Variants in SLC12A3 observed in about 807,000 individuals in gnomAD.
SLC12A3 encodes the protein solute carrier family 12 member 3.
SLC12A3 carries 104 observed loss-of-function variants against 121.0 expected under a neutral mutation model. The observed-to-expected ratio is 0.86, with a 90% CI of 0.73 to 1.01. SLC12A3 has a LOEUF of 1.01. SLC12A3 is among the 50% of genes least tolerant of loss of function. SLC12A3 has a pLI of 0.00. For missense variants in SLC12A3, 1,328 were observed against 1,356.3 expected (o/e 0.98, Z 0.33); for synonymous variants, 536 against 533.4 (o/e 1.00, Z -0.07).
At chr16:56,884,433 G>A (rs987840249) in intron 14 of SLC12A3, among the ~76,000 whole-genome samples, 3 of 152,208 alleles carry the variant, frequency 2.0e-5, no homozygotes, top group African/African-American at 7.2e-5. Flanking sequence ...CAGGACCCTG[G>A]AATCCCCTGT....
At chr16:56,900,050 G>GTTTTGTCTT (rs2055517500) in intron 23 of SLC12A3, among the ~76,000 whole-genome samples, 1 of 152,138 alleles carries the variant, frequency 6.6e-6, no homozygotes, top group Non-Finnish European at 1.5e-5. Context: ...TTACAAACAG[G>GTTTTGTCTT]ATTTGTATTT....
Position 56,866,811 on chromosome 16 carries a change from T to G in SLC12A3, c.283-259T>G, listed in dbSNP as rs1964365857. ...TTAGTAGAGACAGGGTTTTACCTTG[T>G]TGCCCAGGCTGGTCTTGAACTCCTA... On this transcript the variant is annotated intron_variant, in intron 1 of 25. Transcript: ENST00000563236. Among the ~76,000 whole-genome samples the G allele has an allele frequency of 4.6e-5, 7 of 152,210 alleles. No homozygotes were observed. In the South Asian group the frequency reaches 1.4e-3, roughly 32 times the overall value.
chr16:56,889,541 A>C lies in SLC12A3; in HGVS notation c.2286-733A>C, dbSNP rs551120384. On this transcript the variant is annotated intron_variant, in intron 18 of 25. Transcript: ENST00000563236. ...GCCCCGGCTGGAGTGCAATGGTGCGATCTTGGCTCACCACAACCTCTGCCT... is the reference window on the plus strand; with the variant it reads ...GCCCCGGCTGGAGTGCAATGGTGCGCTCTTGGCTCACCACAACCTCTGCCT... Among the ~76,000 whole-genome samples, 77 of 152,232 alleles carry C rather than the reference A, an allele frequency of 5.1e-4. 1 individual carries two copies. Among genetic ancestry groups the C allele is most frequent in the African/African-American group, 1.9e-3 (77 of 41,524 alleles).
At position 56,885,199 on chromosome 16, in the gene SLC12A3, C is replaced by T. The variant is rs1005339395; in HGVS notation, c.1826-66C>T. ...GGCCGACATTACCTCTGTCCCTCCA[C>T]GTGTCTGGTTTCCTCTAGTGATTCC... On this transcript the variant is annotated intron_variant, in intron 14 of 25. Transcript: ENST00000563236. The T allele has an allele frequency of 1.3e-5, 13 of 1,000,024 alleles. No individual in the cohort carries two copies. The East Asian group carries it at 1.8e-4, about 14-fold the overall frequency. The allele number at this position is 1,000,024 out of a possible 1,614,324, so 61.9% of individuals were successfully genotyped here.
chr16:56,890,494 T>G (rs1322035957), intron 19 of SLC12A3, 138 bp downstream of exon 19: 6 of 721,844 alleles, frequency 8.3e-6, no homozygotes, highest in Non-Finnish European at 1.5e-5. Flanking sequence ...TTAGAGCCCA[T>G]CAGTTTTCCC....
intron 8 of SLC12A3, among the ~76,000 whole-genome samples, chr16:56,873,994 G>A (rs1438031247): frequency 2.6e-5 from 4 of 152,228 alleles, no homozygotes; most frequent in African/African-American, 9.6e-5. Flanking sequence ...TTACAGGAGT[G>A]AGCCACTTCT....
At chr16:56,886,283 G>T in intron 15 of SLC12A3, 81 bp from the exon 16 acceptor site, 2 of 991,158 alleles carry the variant, frequency 2.0e-6, no homozygotes, top group Non-Finnish European at 3.2e-6. Flanking sequence ...ACCATTCAGG[G>T]AGCCTGGGAG....
chr16:56,912,363 A>G (rs1278382865), intron 25 of SLC12A3, among the ~76,000 whole-genome samples: 2 of 152,262 alleles, frequency 1.3e-5, no homozygotes, highest in Non-Finnish European at 2.9e-5. Context: ...CAGCATTCCC[A>G]GGGCATCTTT....
chr16:56,901,314 C>T (rs1373043891), intron 23 of SLC12A3, among the ~76,000 whole-genome samples: 1 of 150,054 alleles, frequency 6.7e-6, no homozygotes, highest in Non-Finnish European at 1.5e-5. Flanking sequence ...ATAGCATCAT[C>T]TGAATGCCAA....
At chr16:56,886,268 A>G in intron 15 of SLC12A3, 96 bp from the exon 16 acceptor site, 1 of 851,366 alleles carries the variant, frequency 1.2e-6, no homozygotes, top group South Asian at 1.4e-5. Flanking sequence ...GCTGGTGGCC[A>G]CACCACCATT....
At chr16:56,890,413 A>C in intron 19 of SLC12A3, 57 bp downstream of exon 19, 1 of 1,428,296 alleles carries the variant, frequency 7.0e-7, no homozygotes, top group Non-Finnish European at 9.9e-7. Context: ...TTTGTTTTTA[A>C]ATGGCAGAGG....
chr16:56,908,597 A>G (rs568735600), intron 25 of SLC12A3, among the ~76,000 whole-genome samples: 1 of 152,194 alleles, frequency 6.6e-6, no homozygotes, highest in Non-Finnish European at 1.5e-5. Context: ...GACCCTCCGG[A>G]GCAGAAGGCC....
Position 56,893,971 on chromosome 16 carries a change from T to TTTA in SLC12A3, c.2522-558_2522-557insATT, listed in dbSNP as rs1435631224. Among the ~76,000 whole-genome samples the TTTA allele has an allele frequency of 2.5e-3, 297 of 116,908 alleles. 1 individual carries two copies. The highest frequency in any genetic ancestry group is 7.1e-3 in the East Asian group (26 of 3,682). The allele number at this position is 116,908 out of a possible 152,430, so 76.7% of individuals were successfully genotyped here. On this transcript the variant is annotated intron_variant, in intron 21 of 25. Transcript: ENST00000563236. Reference sequence around the variant, plus strand: ...TTTTGTATTTTTATTTTTATTTTTATTTTATTTATTTATTTATTTATTTAT... The same window carrying TTTA: ...TTTTGTATTTTTATTTTTATTTTTATTTATTTATTTATTTATTTATTTATTTAT...
At position 56,884,121 on chromosome 16, in the gene SLC12A3, TG is replaced by T. The variant is rs754220610; in HGVS notation, c.1743del (p.Met581IlefsTer30). 6.2e-7 allele frequency: 1 copy of T among 1,614,246 alleles called. No homozygotes were observed. The highest frequency in any genetic ancestry group is 8.5e-7 in the Non-Finnish European group (1 of 1,180,030). On this transcript the variant is annotated frameshift_variant, in exon 14 of 26. Transcript: ENST00000563236. LOFTEE classifies it high-confidence loss of function. ...LFGAIISVVI[M>X]FLLTWWAALI... is the part of the protein sequence containing the mutation. ...GGGGCTATCATCTCCGTGGTCATCA[TG>T]TTCCTCCTCACCTGGTGGGCGGCCC...
In SLC12A3 at chr16:56,867,224, G is replaced by A. The variant is rs764783539; in HGVS notation, c.429+8G>A. The A allele has an allele frequency of 1.6e-5, 26 of 1,602,964 alleles. No individual in the cohort carries two copies. The African/African-American group carries it at 3.5e-4, about 21-fold the overall frequency. On this transcript the variant is annotated splice_region_variant and intron_variant, in intron 2 of 25. Coordinates refer to ENST00000563236, the MANE Select transcript of SLC12A3 (RefSeq NM_001126108.2). ...TGGGTCAAGGGGGTGATGGTGAGTGGGGTGTGGGTGGTGCGTGATGTCCAG... is the reference window on the plus strand; with the variant it reads ...TGGGTCAAGGGGGTGATGGTGAGTGAGGTGTGGGTGGTGCGTGATGTCCAG...
chr16:56,896,821 G>C (rs2055468300), intron 22 of SLC12A3, among the ~76,000 whole-genome samples: 1 of 152,140 alleles, frequency 6.6e-6, no homozygotes, highest in Non-Finnish European at 1.5e-5. Flanking sequence ...TCCAGGCGTG[G>C]TGGCTTATGC....
intron 1 of SLC12A3, 58 bp from the exon 2 acceptor site, chr16:56,867,012 G>A: frequency 1.3e-6 from 2 of 1,599,062 alleles, no homozygotes; most frequent in Non-Finnish European, 1.7e-6. Flanking sequence ...TGGGCTGGAT[G>A]CAGAGACGCC....
At position 56,902,212 on chromosome 16, in the gene SLC12A3, C is replaced by T. The variant is rs565438035; in HGVS notation, c.2721-161C>T. ...TGGATGCCAGACCCAGCCAGCAGAG[C>T]TGAATTCAACATGGAAGCCACTTTG... On this transcript the variant is annotated intron_variant, in intron 23 of 25. Coordinates refer to ENST00000563236, the MANE Select transcript of SLC12A3 (RefSeq NM_001126108.2). 23 of 868,682 alleles carry T rather than the reference C, an allele frequency of 2.6e-5. No individual in the cohort carries two copies. In the South Asian group the frequency reaches 3.4e-4, roughly 13 times the overall value. The allele number at this position is 868,682 out of a possible 1,614,324, so 53.8% of individuals were successfully genotyped here.
At chr16:56,869,646 G>A (rs1428186393) in intron 3 of SLC12A3, 83 bp from the exon 4 acceptor site, 5 of 1,061,534 alleles carry the variant, frequency 4.7e-6, no homozygotes, top group East Asian at 2.4e-5. Flanking sequence ...GGAGATGAAC[G>A]TAGGTCGCAT....
Sources: gnomAD v4.1 joint callset for allele counts (sites outside exome capture counted in the v4.1 genomes callset) on GRCh38, gnomAD v4.1.1 for gene constraint, MANE v1.5 for transcripts, NCBI Gene and HGNC (gene_info 2026-07-23, HGNC 2026-07-21) for gene names.